STYK1: variants seen among roughly 807,000 people sequenced by gnomAD.
The protein encoded by STYK1 is STY kinase 1, also known as tyrosine-protein kinase STYK1.
In STYK1, 46 loss-of-function variants were observed where a neutral mutation model predicts 48.1. The ratio of observed to expected loss-of-function variants is 0.96; its 90% CI spans 0.75 to 1.22. STYK1 has a LOEUF of 1.22. STYK1 is among the 50% of genes most tolerant of loss of function. STYK1 has a pLI of 0.00. For missense variants in STYK1, 527 were observed against 521.1 expected, an observed-to-expected ratio of 1.01 and a Z score of -0.11; for synonymous variants, 188 against 189.0, an observed-to-expected ratio of 0.99 and a Z score of 0.04.
At chr12:10,673,644 C>G (rs1486031365) in intron 1 of STYK1, 1 of 151,500 alleles carries the variant, frequency 6.6e-6, no homozygotes, top group Non-Finnish European at 1.5e-5. Flanking sequence ...TCCTGATGGC[C>G]CCCTCTCCAG....
intron 8 of STYK1, among the ~76,000 whole-genome samples, chr12:10,623,889 A>T (rs543269727): frequency 6.6e-6 from 1 of 152,332 alleles, no homozygotes; most frequent in East Asian, 1.9e-4. Flanking sequence ...TCATCCTTAT[A>T]AAAAGAAGCC....
chr12:10,656,162 G>GCT (rs927819880), intron 1 of STYK1, among the ~76,000 whole-genome samples: 1 of 152,156 alleles, frequency 6.6e-6, no homozygotes, highest in Non-Finnish European at 1.5e-5. Flanking sequence ...CCCTGCACAA[G>GCT]CTCTCTCTCT....
In STYK1 at chr12:10,655,971, T is replaced by C. The variant is rs1027926499; in HGVS notation, c.-195+17995A>G. Among the ~76,000 whole-genome samples the C allele has an allele frequency of 2.6e-5, 4 of 152,348 alleles. No homozygotes were observed. The East Asian group carries it at 5.8e-4, about 22-fold the overall frequency. On this transcript the variant is annotated intron_variant, in intron 1 of 10. Transcript: ENST00000075503. Reference sequence around the variant, plus strand: ...GTTTTTTTCTTCTCAGTTGACTAAATTGTTGATAGGGTTTGGCTATGTCCC... The same window carrying C: ...GTTTTTTTCTTCTCAGTTGACTAAACTGTTGATAGGGTTTGGCTATGTCCC...
chr12:10,666,689 G>A (rs539344909), intron 1 of STYK1, among the ~76,000 whole-genome samples: 12 of 152,238 alleles, frequency 7.9e-5, no homozygotes, highest in East Asian at 1.9e-4. Flanking sequence ...TGCTGTTCTC[G>A]TGATAGGAAT....
At chr12:10,647,378 G>T (rs35969957) in intron 1 of STYK1, among the ~76,000 whole-genome samples, 2,420 of 152,342 alleles carry the variant, frequency 0.016, 24 homozygotes, top group Non-Finnish European at 0.025. Context: ...TGGTCTGCTG[G>T]ATTTCAGACT....
chr12:10,634,597 G>A lies in STYK1; in HGVS notation c.22C>T (p.Leu8=). The A allele has an allele frequency of 1.2e-6, 2 of 1,614,080 alleles. No individual in the cohort carries two copies. The highest frequency in any genetic ancestry group is 1.1e-5 in the South Asian group (1 of 91,074). The change falls in exon 3 of 11, where the codon CTG becomes TTG. Residue 8 remains leucine (L), a synonymous_variant. Transcript: ENST00000075503. MGMTRML[L]ECSLSDKLCV... is the part of the protein sequence containing the mutation. ...AACTTGTCACTGAGACTGCATTCCAGGAGCATCCGTGTCATGCCCATTGCC... is the reference window on the plus strand; with the variant it reads ...AACTTGTCACTGAGACTGCATTCCAAGAGCATCCGTGTCATGCCCATTGCC...
At chr12:10,656,409 G>A (rs561376584) in intron 1 of STYK1, among the ~76,000 whole-genome samples, 51 of 152,172 alleles carry the variant, frequency 3.4e-4, no homozygotes, top group Non-Finnish European at 5.3e-4. Flanking sequence ...GGTGGATCAC[G>A]AGGTCAGGAG....
intron 4 of STYK1, 122 bp downstream of exon 4, chr12:10,633,868 C>T: frequency 1.6e-6 from 2 of 1,227,840 alleles, no homozygotes; most frequent in Non-Finnish European, 2.3e-6. Context: ...GGAGGGAACC[C>T]ATGCCTCTCT....
intron 4 of STYK1, 117 bp downstream of exon 4, chr12:10,633,873 C>T: frequency 1.6e-6 from 2 of 1,278,688 alleles, no homozygotes; most frequent in Non-Finnish European, 2.2e-6. Context: ...GAACCCATGC[C>T]TCTCTCATTG....
chr12:10,646,858 T>C (rs961158587), intron 1 of STYK1, among the ~76,000 whole-genome samples: 1 of 152,208 alleles, frequency 6.6e-6, no homozygotes, highest in Non-Finnish European at 1.5e-5. Flanking sequence ...AAGGTACAGC[T>C]TGGGCTGTTG....
chr12:10,647,711 T>C (rs1278568652), intron 1 of STYK1, among the ~76,000 whole-genome samples: 1 of 152,198 alleles, frequency 6.6e-6, no homozygotes, highest in Non-Finnish European at 1.5e-5. Context: ...TTATCTTGAA[T>C]TCCCATGTGT....
At chr12:10,640,007 A>G (rs950908531) in intron 1 of STYK1, among the ~76,000 whole-genome samples, 6 of 152,310 alleles carry the variant, frequency 3.9e-5, no homozygotes, top group Middle Eastern at 6.8e-3. Context: ...TGACATCTGC[A>G]TGTCTGTCTT....
Position 10,620,316 on chromosome 12 carries a change from C to T in STYK1, c.1097G>A (p.Arg366His), listed in dbSNP as rs189204525. ...YSIMKSCWRW[R>H]EADRPSPREL... ...TCTAGGTGAGGGGCGGTCAGCCTCA[C>T]GCCAGCGCCAGCAGGACTTCATGAT... The change falls in exon 11 of 11, where the codon CGT (arginine) becomes CAT (histidine). Residue 366 changes from arginine (R) to histidine (H), a missense_variant. Physicochemically the swap from Arg to His is conservative, Grantham distance 29. Coordinates refer to ENST00000075503, the MANE Select transcript of STYK1 (RefSeq NM_018423.3). The T allele has an allele frequency of 4.1e-5, 66 of 1,613,452 alleles. No homozygotes were observed. In the Admixed American group the frequency reaches 6.3e-4, roughly 15 times the overall value.
chr12:10,619,920 T>C lies in STYK1; in HGVS notation c.*224A>G. 1.6e-6 allele frequency: 1 copy of C among 606,146 alleles called. No individual in the cohort carries two copies. The highest frequency in any genetic ancestry group is 3.0e-5 in the Admixed American group (1 of 33,750). The allele number at this position is 606,146 out of a possible 1,614,324, so 37.5% of individuals were successfully genotyped here. On this transcript the variant is annotated 3_prime_UTR_variant, in exon 11 of 11. Coordinates refer to ENST00000075503, the MANE Select transcript of STYK1 (RefSeq NM_018423.3). The stretch of plus-strand genomic sequence containing the variant: ...GTCCACCACTTCTACCCAGGATTTC[T>C]AGGACTGGGACAGCAGAAGTGAGAC...
chr12:10,621,729 A>G, intron 10 of STYK1, 147 bp downstream of exon 10: 1 of 601,670 alleles, frequency 1.7e-6, no homozygotes, highest in Admixed American at 3.0e-5. Context: ...AGATAGGTAT[A>G]TTTTACTGCA....
intron 1 of STYK1, among the ~76,000 whole-genome samples, chr12:10,646,909 T>C (rs1190241981): frequency 2.0e-5 from 3 of 152,184 alleles, no homozygotes; most frequent in African/African-American, 7.2e-5. Flanking sequence ...AGCTTCCATG[T>C]GGTGTTGAGC....
rs544882621 is a variant in STYK1, at chr12:10,629,504, T to A, written c.622A>T (p.Thr208Ser). Residue 208 changes from threonine (T) to serine (S), a missense_variant, in exon 6 of 11, where the codon ACC (threonine) becomes TCC (serine). Coordinates refer to ENST00000075503, the MANE Select transcript of STYK1 (RefSeq NM_018423.3). ...AQGDLLSFLW[T>S]CRRDVMTMDG... ...GCCCTACTGCTCACCCGCCGACAGG[T>A]CCAGAGAAAGCTGAGCAGGTCCCCC... The A allele has an allele frequency of 1.2e-6, 2 of 1,614,018 alleles. No individual in the cohort carries two copies. The highest frequency in any genetic ancestry group is 2.2e-5 in the South Asian group (2 of 91,080).
Position 10,619,717 on chromosome 12 carries a change from C to T in STYK1, c.*427G>A, listed in dbSNP as rs951094466. On this transcript the variant is annotated 3_prime_UTR_variant, in exon 11 of 11. Transcript: ENST00000075503. Reference sequence around the variant, plus strand: ...TATCTGTAATCCTGAGCAAGAAGAACCTTAAATTTTCTTTCCCTTCAACTC... The same window carrying T: ...TATCTGTAATCCTGAGCAAGAAGAATCTTAAATTTTCTTTCCCTTCAACTC... The T allele has an allele frequency of 3.5e-6, 1 of 284,812 alleles. No homozygotes were observed. Among genetic ancestry groups the T allele is most frequent in the Admixed American group, 4.8e-5 (1 of 20,664 alleles). The allele number at this position is 284,812 out of a possible 1,614,324, so 17.6% of individuals were successfully genotyped here. A position where few individuals can be genotyped will look rare whatever the true frequency, so the allele number is the denominator to read the frequency against.
chr12:10,628,004 G>A (rs1947379635), intron 6 of STYK1, among the ~76,000 whole-genome samples: 1 of 152,210 alleles, frequency 6.6e-6, no homozygotes, highest in African/African-American at 2.4e-5. Flanking sequence ...CTAGGGCTCT[G>A]TGTGTGTGCT....
Sources: allele counts gnomAD v4.1 joint callset (sites outside exome capture counted in the v4.1 genomes callset), GRCh38; gene constraint gnomAD v4.1.1; transcripts MANE v1.5; gene names NCBI Gene and HGNC (gene_info 2026-07-23, HGNC 2026-07-21).